GPHN: variants seen among roughly 807,000 people sequenced by gnomAD.
GPHN encodes the protein gephyrin.
In GPHN, 17 loss-of-function variants were observed where a neutral mutation model predicts 95.5. The observed-to-expected ratio is 0.18, with a 90% CI of 0.12 to 0.27. GPHN has a LOEUF of 0.27. GPHN is among the 10% of genes least tolerant of loss of function. GPHN has a pLI of 1.00. For missense variants in GPHN, 660 were observed against 978.1 expected (o/e 0.67, Z 4.34); for synonymous variants, 320 against 322.5 (o/e 0.99, Z 0.08).
intron 3 of GPHN, among the ~76,000 whole-genome samples, chr14:66,782,316 T>G (rs965306706): frequency 2.6e-5 from 4 of 152,202 alleles, no homozygotes; most frequent in Non-Finnish European, 5.9e-5. Flanking sequence ...ATTATAGTGC[T>G]TTTTTAGCAT....
At chr14:67,516,669 G>A in the GPHN span, among the ~76,000 whole-genome samples, 1 of 152,190 alleles carries the variant, frequency 6.6e-6, no homozygotes. Context: ...TCAACCTCCT[G>A]TCCCTGGCCA....
At chr14:66,989,950 C>T (rs1357011942) in intron 9 of GPHN, among the ~76,000 whole-genome samples, 1 of 152,082 alleles carries the variant, frequency 6.6e-6, no homozygotes, top group Non-Finnish European at 1.5e-5. Flanking sequence ...TGTACACACA[C>T]AAGAACAAGT....
the GPHN span, among the ~76,000 whole-genome samples, chr14:67,629,090 T>C: frequency 1.3e-5 from 2 of 152,108 alleles, no homozygotes; most frequent in African/African-American, 4.8e-5. Flanking sequence ...TCCCAGCACT[T>C]TGGGAGGCTG....
In GPHN at chr14:67,168,950, G is replaced by C; in HGVS notation, c.1993G>C (p.Val665Leu). The C allele has an allele frequency of 6.2e-7, 1 of 1,611,056 alleles. No individual in the cohort carries two copies. Among genetic ancestry groups the C allele is most frequent in the South Asian group, 1.1e-5 (1 of 91,032 alleles). The change falls in exon 21 of 23, where the codon GTG becomes CTG. Residue 665 changes from valine (V) to leucine (L), a missense_variant. Physicochemically the swap from Val to Leu is conservative, Grantham distance 32. This residue lies in a region of GPHN where 257 missense variants were observed against 376.2 expected (regional missense o/e 0.68). Coordinates refer to ENST00000478722, the MANE Select transcript of GPHN (RefSeq NM_020806.5). ...ACTTTCAGGGAATCCTGTATCGGCT[G>C]TGGTCACCTGCAATCTCTTTGTTGT... ...FALPGNPVSA[V>L]VTCNLFVVPA...
intron 2 of GPHN, among the ~76,000 whole-genome samples, chr14:66,749,383 T>C (rs1357214213): frequency 6.6e-6 from 1 of 151,962 alleles, no homozygotes; most frequent in East Asian, 1.9e-4. Flanking sequence ...CTGCATCATG[T>C]GGTACAGTGT....
chr14:67,443,562 T>A, the GPHN span, among the ~76,000 whole-genome samples: 80 of 149,322 alleles, frequency 5.4e-4, no homozygotes, highest in Non-Finnish European at 1.1e-3. Context: ...GGGACAGGCA[T>A]AGGATAGACA....
At chr14:66,932,779 G>A (rs2066896229) in intron 8 of GPHN, among the ~76,000 whole-genome samples, 1 of 151,474 alleles carries the variant, frequency 6.6e-6, no homozygotes, top group Non-Finnish European at 1.5e-5. Flanking sequence ...TCAGGACAGT[G>A]AATGCCTTTC....
chr14:66,623,274 C>G (rs542434335), intron 1 of GPHN, among the ~76,000 whole-genome samples: 1 of 152,092 alleles, frequency 6.6e-6, no homozygotes, highest in African/African-American at 2.4e-5. Context: ...AAGACCCACC[C>G]CCATAATTCA....
At chr14:67,487,949 A>G in the GPHN span, among the ~76,000 whole-genome samples, 1 of 152,200 alleles carries the variant, frequency 6.6e-6, no homozygotes, top group East Asian at 1.9e-4. Context: ...TGTTTTTACT[A>G]CTATCCCTAA....
At chr14:67,338,798 CTG>C in the GPHN span, 25 of 1,568,764 alleles carry the variant, frequency 1.6e-5, no homozygotes, top group East Asian at 2.2e-5. Flanking sequence ...TTTTTAAACA[CTG>C]TTTCAATATT....
the GPHN span, among the ~76,000 whole-genome samples, chr14:67,624,248 C>A: frequency 6.6e-6 from 1 of 151,616 alleles, no homozygotes; most frequent in Non-Finnish European, 1.5e-5. Context: ...TCAAGAAAAG[C>A]CAGAAATTTG....
chr14:67,272,571 C>A, the GPHN span, among the ~76,000 whole-genome samples: 1 of 152,264 alleles, frequency 6.6e-6, no homozygotes, highest in African/African-American at 2.4e-5. Flanking sequence ...TGACTTCTTT[C>A]TCCTCCTCCT....
intron 3 of GPHN, among the ~76,000 whole-genome samples, chr14:66,782,638 T>C (rs1287102600): frequency 6.6e-6 from 1 of 152,032 alleles, no homozygotes; most frequent in African/African-American, 2.4e-5. Flanking sequence ...GCTAATACGG[T>C]GGAACCCTGT....
At chr14:66,997,085 G>T (rs1015663341) in intron 9 of GPHN, among the ~76,000 whole-genome samples, 1 of 152,090 alleles carries the variant, frequency 6.6e-6, no homozygotes, top group Non-Finnish European at 1.5e-5. Context: ...AGAACTTCAG[G>T]CCAGGTGCAG....
At chr14:67,014,928 G>A (rs995645055) in intron 9 of GPHN, among the ~76,000 whole-genome samples, 22 of 152,124 alleles carry the variant, frequency 1.4e-4, no homozygotes, top group African/African-American at 5.3e-4. Flanking sequence ...AAAGTTTCCA[G>A]AGGTCACTGA....
the GPHN span, among the ~76,000 whole-genome samples, chr14:67,366,888 G>T: frequency 4.3e-5 from 6 of 140,484 alleles, no homozygotes; most frequent in Non-Finnish European, 9.0e-5. Flanking sequence ...AGTACATGCT[G>T]AAGACAGCTT....
At chr14:66,795,791 A>G (rs1243640089) in intron 3 of GPHN, among the ~76,000 whole-genome samples, 1 of 152,204 alleles carries the variant, frequency 6.6e-6, no homozygotes, top group African/African-American at 2.4e-5. Flanking sequence ...CATCATGGAA[A>G]TGGGGTATCA....
intron 4 of GPHN, among the ~76,000 whole-genome samples, chr14:66,838,118 G>T (rs1338333936): frequency 6.6e-6 from 1 of 152,080 alleles, no homozygotes; most frequent in African/African-American, 2.4e-5. Context: ...TTGAATCTTA[G>T]ATCCACCTGT....
intron 9 of GPHN, among the ~76,000 whole-genome samples, chr14:66,986,158 A>G (rs1342391624): frequency 6.7e-6 from 1 of 149,466 alleles, no homozygotes; most frequent in Non-Finnish European, 1.5e-5. Flanking sequence ...TTATTTTGGT[A>G]TCATCACCAT....
Sources: allele counts gnomAD v4.1 joint callset (sites outside exome capture counted in the v4.1 genomes callset), GRCh38; gene constraint gnomAD v4.1.1; regional missense constraint gnomAD v4.1.1; transcripts MANE v1.5; gene names NCBI Gene and HGNC (gene_info 2026-07-23, HGNC 2026-07-21).